The following FMN1 variants were observed in gnomAD, a reference collection of about 807,000 sequenced individuals.
The protein encoded by FMN1 is formin 1.
Under a neutral mutation model 132.4 loss-of-function variants are expected in FMN1, and 110 were observed. That is an observed-to-expected ratio of 0.83 (90% CI 0.71 to 0.97). The LOEUF (loss-of-function observed/expected upper bound fraction) is 0.97. FMN1 is among the 50% of genes least tolerant of loss of function. The probability of loss-of-function intolerance (pLI) is 0.00; values close to 1 mark genes in which losing one functional copy is unlikely to be tolerated. For synonymous variants in FMN1, 722 were observed against 651.7 expected (o/e 1.11, Z -1.64); for missense variants, 1,792 against 1,705.3 (o/e 1.05, Z -0.90).
chr15:32,912,624 C>T (rs1372743902), intron 10 of FMN1, among the ~76,000 whole-genome samples: 1 of 152,084 alleles, frequency 6.6e-6, no homozygotes, highest in Non-Finnish European at 1.5e-5. Flanking sequence ...TGGGAGGTGA[C>T]ATTTAAGAGA....
intron 7 of FMN1, among the ~76,000 whole-genome samples, chr15:32,995,260 T>C (rs1596424472): frequency 6.6e-6 from 1 of 152,150 alleles, no homozygotes; most frequent in Non-Finnish European, 1.5e-5. Flanking sequence ...CAAGATAGTG[T>C]ATGAAATTGC....
intron 2 of FMN1, among the ~76,000 whole-genome samples, chr15:33,183,251 C>A (rs929662174): frequency 5.9e-5 from 9 of 152,176 alleles, no homozygotes; most frequent in African/African-American, 2.2e-4. Flanking sequence ...AAAACAAATG[C>A]CTACCTAATA....
intron 4 of FMN1, among the ~76,000 whole-genome samples, chr15:33,127,485 T>C (rs913371454): frequency 2.0e-5 from 3 of 152,216 alleles, no homozygotes; most frequent in African/African-American, 7.2e-5. Flanking sequence ...AGGTAACTAT[T>C]ACTTACTAAA....
intron 5 of FMN1, chr15:33,067,888 T>C: frequency 6.2e-7 from 1 of 1,602,820 alleles, no homozygotes; most frequent in Non-Finnish European, 8.5e-7. Flanking sequence ...TCTCCATGTC[T>C]CAGTAATGCC....
intron 16 of FMN1, among the ~76,000 whole-genome samples, chr15:32,858,297 A>G (rs1011101724): frequency 3.9e-5 from 6 of 152,246 alleles, no homozygotes; most frequent in African/African-American, 1.4e-4. Context: ...TGCAAAAGAC[A>G]CCACTTAAAT....
chr15:32,791,021 G>A (rs1268011491), intron 19 of FMN1, among the ~76,000 whole-genome samples: 1 of 152,146 alleles, frequency 6.6e-6, no homozygotes, highest in Non-Finnish European at 1.5e-5. Flanking sequence ...CTTGAAAGAC[G>A]ACTCTATTTT....
intron 4 of FMN1, among the ~76,000 whole-genome samples, chr15:33,106,763 G>C (rs1486097081): frequency 1.3e-5 from 2 of 152,038 alleles, no homozygotes; most frequent in African/African-American, 4.8e-5. Context: ...CTACTCACTA[G>C]TTAATAGTAG....
intron 3 of FMN1, among the ~76,000 whole-genome samples, chr15:33,159,584 T>C (rs867942705): frequency 1.3e-5 from 2 of 152,130 alleles, no homozygotes; most frequent in African/African-American, 2.4e-5. Context: ...AAAACACCAA[T>C]ATAAAATGCA....
At chr15:32,955,801 G>A (rs1334913451) in intron 9 of FMN1, among the ~76,000 whole-genome samples, 1 of 139,980 alleles carries the variant, frequency 7.1e-6, no homozygotes, top group Non-Finnish European at 1.5e-5. Flanking sequence ...AAAGATGTGT[G>A]TGCGTGTGCG....
chr15:32,942,821 CA>C (rs1336617998), intron 9 of FMN1, among the ~76,000 whole-genome samples: 11 of 152,232 alleles, frequency 7.2e-5, no homozygotes, highest in Admixed American at 5.2e-4. Flanking sequence ...GTGCTATCAC[CA>C]ATGAATAGCT....
At chr15:32,989,213 T>A (rs986584488) in intron 7 of FMN1, among the ~76,000 whole-genome samples, 1 of 152,152 alleles carries the variant, frequency 6.6e-6, no homozygotes. Context: ...ATTCAACTGT[T>A]TGTTGTTTAG....
intron 17 of FMN1, among the ~76,000 whole-genome samples, 183 bp downstream of exon 17, chr15:32,856,832 G>A (rs1410861832): frequency 6.6e-6 from 1 of 152,206 alleles, no homozygotes; most frequent in Non-Finnish European, 1.5e-5. Flanking sequence ...AAGGTGATAT[G>A]AAAGCTACAG....
chr15:32,998,386 T>C lies in FMN1; in HGVS notation c.2223+9628A>G, dbSNP rs191631771. Among the ~76,000 whole-genome samples the C allele has an allele frequency of 6.6e-4, 101 of 152,338 alleles. 1 individual carries two copies. Among genetic ancestry groups the C allele is most frequent in the Non-Finnish European group, 2.9e-5 (2 of 68,034 alleles). ...AAAGAAAATCTCCTAGGACTTTGGA[T>C]TGAGTTGGGACAGATGCAGGGGCCC... On this transcript the variant is annotated intron_variant, in intron 7 of 20. Coordinates refer to ENST00000616417, the MANE Select transcript of FMN1 (RefSeq NM_001277313.2).
intron 19 of FMN1, among the ~76,000 whole-genome samples, chr15:32,785,218 A>ATATATATATTTTTT (rs1444523400): frequency 5.1e-5 from 2 of 39,206 alleles, no homozygotes; most frequent in African/African-American, 1.2e-4. Flanking sequence ...ATATATATAT[A>ATATATATATTTTTT]TTTTTTTTTT....
At chr15:32,805,928 G>A (rs1339389488) in intron 17 of FMN1, among the ~76,000 whole-genome samples, 1 of 152,122 alleles carries the variant, frequency 6.6e-6, no homozygotes, top group Non-Finnish European at 1.5e-5. Flanking sequence ...GAATCCACAG[G>A]TTAAGAACCT....
At position 32,769,947 on chromosome 15, in the gene FMN1, A is replaced by C. The variant is rs988550319; in HGVS notation, c.*4363T>G. ...TATTAGGACAGACAGGATAAAAGAAAAATGAAGCTCAAATATAACTGATGC... is the reference window on the plus strand; with the variant it reads ...TATTAGGACAGACAGGATAAAAGAACAATGAAGCTCAAATATAACTGATGC... On this transcript the variant is annotated 3_prime_UTR_variant, in exon 21 of 21. Transcript: ENST00000616417. 1 of 152,254 alleles carries C rather than the reference A, an allele frequency of 6.6e-6. No individual in the cohort carries two copies. Among genetic ancestry groups the C allele is most frequent in the Non-Finnish European group, 1.5e-5 (1 of 68,036 alleles). 9.4% of individuals were successfully genotyped at this position (152,254 alleles called of 1,614,324 possible).
chr15:33,100,554 G>A (rs1485668886), intron 4 of FMN1, among the ~76,000 whole-genome samples: 1 of 152,156 alleles, frequency 6.6e-6, no homozygotes, highest in Admixed American at 6.6e-5. Context: ...GGAAAAAGAG[G>A]AAGAGAAGCA....
Position 33,100,942 on chromosome 15 carries a change from A to C in FMN1, c.1868-11968T>G, listed in dbSNP as rs137901524. 3.2e-3 allele frequency among the ~76,000 whole-genome samples: 485 copies of C among 152,342 alleles called. 4 individuals are homozygous for C. Among genetic ancestry groups the C allele is most frequent in the African/African-American group, 0.011 (449 of 41,584 alleles). On this transcript the variant is annotated intron_variant, in intron 4 of 20. Transcript: ENST00000616417. ...CATAAGAAAATGTTCACAATATGAC[A>C]TCAAGTATGAAATACAATTCTTACC...
intron 9 of FMN1, among the ~76,000 whole-genome samples, chr15:32,934,850 A>C (rs931750649): frequency 1.4e-5 from 2 of 147,584 alleles, no homozygotes; most frequent in Non-Finnish European, 1.5e-5. Context: ...CAGGTGATCC[A>C]CCCGCCTCGG....
Sources: allele counts gnomAD v4.1 joint callset (sites outside exome capture counted in the v4.1 genomes callset), GRCh38; gene constraint gnomAD v4.1.1; transcripts MANE v1.5; gene names NCBI Gene and HGNC (gene_info 2026-07-23, HGNC 2026-07-21).